Variants in CTC1 observed in about 807,000 individuals in gnomAD.
CTC1 encodes CST telomere replication complex component 1.
In CTC1, 91 loss-of-function variants were observed where a neutral mutation model predicts 136.3. The ratio of observed to expected loss-of-function variants is 0.67; its 90% CI spans 0.56 to 0.79. The LOEUF (loss-of-function observed/expected upper bound fraction) is 0.79, where lower values mean the gene tolerates loss of function less well. Ranked by LOEUF, CTC1 falls within the 30% of genes least tolerant of loss-of-function variation. The pLI is 0.00. For synonymous variants in CTC1, 606 were observed against 613.8 expected (o/e 0.99, Z 0.19); for missense variants, 1,432 against 1,498.1 (o/e 0.96, Z 0.73).
chr17:8,234,959 C>T, intron 8 of CTC1, 33 bp from the exon 9 acceptor site: 2 of 1,593,934 alleles, frequency 1.3e-6, no homozygotes, highest in South Asian at 2.3e-5. Context: ...GTCACTTCCC[C>T]TGAAGAGCCT....
Position 8,231,784 on chromosome 17 carries a change from C to A in CTC1, c.2417G>T (p.Arg806Leu), listed in dbSNP as rs750387015. The A allele has an allele frequency of 1.9e-6, 3 of 1,614,156 alleles. No homozygotes were observed. Among genetic ancestry groups the A allele is most frequent in the Admixed American group, 1.7e-5 (1 of 60,020 alleles). ...TCCCGGGTGCAAGAACTCAAACCAGCGGACTGAAGAGCCAAAGAAAATGAG... is the reference window on the plus strand; with the variant it reads ...TCCCGGGTGCAAGAACTCAAACCAGAGGACTGAAGAGCCAAAGAAAATGAG... ...VHLIFFGSSV[R>L]WFEFLHPGQV... The change falls in exon 14 of 23, where the codon CGC becomes CTC. Residue 806 changes from arginine (R) to leucine (L), a missense_variant. Coordinates refer to ENST00000651323, the MANE Select transcript of CTC1 (RefSeq NM_025099.6).
Position 8,231,355 on chromosome 17 carries a change from T to C in CTC1, c.2590A>G (p.Ser864Gly), listed in dbSNP as rs1987206626. The change falls in exon 15 of 23, where the codon AGC (serine) becomes GGC (glycine). Residue 864 changes from serine (S) to glycine (G), a missense_variant. By Grantham distance (56) the Ser-to-Gly change is moderately conservative (BLOSUM62 0). Transcript: ENST00000651323. ...AGCACATCTTGGATATCCTGGGAGCTTTCAAGCTCCAGAGTCCAGTTGTCC... is the reference window on the plus strand; with the variant it reads ...AGCACATCTTGGATATCCTGGGAGCCTTCAAGCTCCAGAGTCCAGTTGTCC... ...VQDNWTLELE[S>G]SQDIQDVLDA... 1 of 1,611,686 alleles carries C rather than the reference T, an allele frequency of 6.2e-7. No homozygotes were observed. Among genetic ancestry groups the C allele is most frequent in the Non-Finnish European group, 8.5e-7 (1 of 1,178,172 alleles).
At position 8,229,942 on chromosome 17, in the gene CTC1, C is replaced by T. The variant is rs769617113; in HGVS notation, c.2960G>A (p.Arg987Gln). ...CAGGACCTGCACATAAGTGGATGAC[C>T]GGAAACAACAATAAACATTGTGAGA... ...SRSHNVYCCF[R>Q]SSTYVQVLSF... The change falls in exon 18 of 23, where the codon CGG becomes CAG. Residue 987 changes from arginine to glutamine, a missense_variant. Transcript: ENST00000651323. The T allele has an allele frequency of 1.7e-5, 28 of 1,613,932 alleles. No individual in the cohort carries two copies. The South Asian group carries it at 2.2e-4, about 13-fold the overall frequency.
intron 2 of CTC1, among the ~76,000 whole-genome samples, chr17:8,239,304 A>G: frequency 6.6e-6 from 1 of 152,076 alleles, no homozygotes; most frequent in East Asian, 1.9e-4. Flanking sequence ...TCTTAACTCC[A>G]GAGAGAACTT....
At chr17:8,241,878 G>T (rs796125960) in intron 2 of CTC1, among the ~76,000 whole-genome samples, 2 of 146,432 alleles carry the variant, frequency 1.4e-5, no homozygotes, top group African/African-American at 5.0e-5. Context: ...AGCAAATCAC[G>T]GAGGGTATTT....
Position 8,230,425 on chromosome 17 carries a change from A to G in CTC1, c.2802T>C (p.Ala934=). ...AMRRCVKLTV[A]LETAECEFPP... ...GGAATTCACATTCAGCAGTCTCAAG[A>G]GCGACTGTTAGCTTCACACACCTTC... Residue 934 remains alanine (A), a synonymous_variant, in exon 17 of 23, where the codon GCT becomes GCC. Coordinates refer to ENST00000651323, the MANE Select transcript of CTC1 (RefSeq NM_025099.6). 3.1e-6 allele frequency: 5 copies of G among 1,614,152 alleles called. No individual in the cohort carries two copies. Among genetic ancestry groups the G allele is most frequent in the Non-Finnish European group, 4.2e-6 (5 of 1,180,002 alleles).
At chr17:8,243,941 G>A (rs1988481749) in intron 1 of CTC1, among the ~76,000 whole-genome samples, 1 of 152,092 alleles carries the variant, frequency 6.6e-6, no homozygotes, top group Non-Finnish European at 1.5e-5. Context: ...GGTGGCACAT[G>A]CCTGTGCTTC....
chr17:8,247,864 C>T (rs771792359), intron 1 of CTC1, 140 bp downstream of exon 1: 4 of 777,520 alleles, frequency 5.1e-6, no homozygotes, highest in Non-Finnish European at 8.8e-6. Context: ...GAGGTAGGAG[C>T]GGACCGACTC....
In CTC1 at chr17:8,247,993, G is replaced by T; in HGVS notation, c.33+11C>A. The T allele has an allele frequency of 6.4e-7, 1 of 1,562,670 alleles. No individual in the cohort carries two copies. The highest frequency in any genetic ancestry group is 8.7e-7 in the Non-Finnish European group (1 of 1,147,448). ...GAAAAAAGGAACAAGAGACGTAATA[G>T]CAGCACTCACGGAGGAAGGGACCTG... On this transcript the variant is annotated intron_variant, in intron 1 of 22. Coordinates refer to ENST00000651323, the MANE Select transcript of CTC1 (RefSeq NM_025099.6).
At position 8,228,487 on chromosome 17, in the gene CTC1, C is replaced by G. The variant is rs369845758; in HGVS notation, c.3514+16G>C. 2.5e-6 allele frequency: 4 copies of G among 1,614,112 alleles called. No homozygotes were observed. The East Asian group carries it at 8.9e-5, about 36-fold the overall frequency. The stretch of plus-strand genomic sequence containing the variant: ...TGATCCCCCTATCATCATGATCCCC[C>G]CGTCTCCAACCTTACCTAATGGGAC... On this transcript the variant is annotated intron_variant, in intron 22 of 22. Coordinates refer to ENST00000651323, the MANE Select transcript of CTC1 (RefSeq NM_025099.6).
Position 8,232,124 on chromosome 17 carries a change from G to T in CTC1, c.2164C>A (p.Pro722Thr), listed in dbSNP as rs770505786. Residue 722 changes from proline to threonine, a missense_variant, in exon 13 of 23, where the codon CCA (proline) becomes ACA (threonine). Physicochemically the swap from Pro to Thr is conservative, Grantham distance 38. Transcript: ENST00000651323. ...CTCTGTCCTAGGTGGGGTCCCTCTG[G>T]GCCGGTGGGATCTGTCTGAGGTGTT... is the stretch of plus-strand genomic sequence containing the variant. Reference protein sequence around the residue: ...PSTPQTDPTGPEGPHLGQSRL... With the variant: ...PSTPQTDPTGTEGPHLGQSRL... The T allele has an allele frequency of 1.3e-6, 2 of 1,531,300 alleles. No individual in the cohort carries two copies. The highest frequency in any genetic ancestry group is 1.7e-6 in the Non-Finnish European group (2 of 1,143,844). The allele number at this position is 1,531,300 out of a possible 1,614,324, so 94.9% of individuals were successfully genotyped here.
Position 8,248,042 on chromosome 17 carries a change from G to T in CTC1, c.-6C>A. 6.3e-7 allele frequency: 1 copy of T among 1,591,292 alleles called. No homozygotes were observed. Among genetic ancestry groups the T allele is most frequent in the Non-Finnish European group, 8.6e-7 (1 of 1,167,792 alleles). On this transcript the variant is annotated 5_prime_UTR_variant, in exon 1 of 23. Coordinates refer to ENST00000651323, the MANE Select transcript of CTC1 (RefSeq NM_025099.6). ...TGGGCCCGGCCAGCCGCCATGATGCGCCGGAGCTCCGCCCCCGGGAGGGGC... is the reference window on the plus strand; with the variant it reads ...TGGGCCCGGCCAGCCGCCATGATGCTCCGGAGCTCCGCCCCCGGGAGGGGC...
Position 8,237,511 on chromosome 17 carries a change from A to G in CTC1, c.656T>C (p.Leu219Pro), listed in dbSNP as rs750372074. 11 of 1,613,922 alleles carry G rather than the reference A, an allele frequency of 6.8e-6. No individual in the cohort carries two copies. Among genetic ancestry groups the G allele is most frequent in the Non-Finnish European group, 8.5e-6 (10 of 1,179,954 alleles). ...AGCCAGGTTTCGCTGCACACCTCTG[A>G]GCTTGTTTCTAAGAAGGAAGAAAAA... Reference protein sequence around the residue: ...ASCLLRLRNKLRGVQRNLAGS... With the variant: ...ASCLLRLRNKPRGVQRNLAGS... The change falls in exon 5 of 23, where the codon CTC becomes CCC. Residue 219 changes from leucine (L) to proline (P), a missense_variant. Leu to Pro is a moderately conservative substitution (Grantham distance 98, BLOSUM62 -3). Transcript: ENST00000651323.
At chr17:8,229,505 T>G in intron 18 of CTC1, 59 bp from the exon 19 acceptor site, 15 of 1,516,652 alleles carry the variant, frequency 9.9e-6, no homozygotes, top group Non-Finnish European at 1.4e-5. Flanking sequence ...GCAAAGGGGT[T>G]CTGAAAGCAG....
rs772948223 is a variant in CTC1, at chr17:8,247,305, CTTTTTTTTTTTT to C, written c.33+687_33+698del. Among the ~76,000 whole-genome samples, 11 of 91,264 alleles carry C rather than the reference CTTTTTTTTTTTT, an allele frequency of 1.2e-4. No homozygotes were observed. The South Asian group carries it at 3.9e-3, about 32-fold the overall frequency. The allele number at this position is 91,264 out of a possible 152,430, so 59.9% of individuals were successfully genotyped here. A position where few individuals can be genotyped will look rare whatever the true frequency, so the allele number is the denominator to read the frequency against. On this transcript the variant is annotated intron_variant, in intron 1 of 22. Transcript: ENST00000651323. ...TTCCGTCCTGAAACCCCTTCCGGCGCTTTTTTTTTTTTTTTTTTTTTTTTGACAGAGTCTCGC... is the reference window on the plus strand; with the variant it reads ...TTCCGTCCTGAAACCCCTTCCGGCGCTTTTTTTTTTTTGACAGAGTCTCGC...
In CTC1 at chr17:8,231,777, A is replaced by C. The variant is rs1378130899; in HGVS notation, c.2424T>G (p.Phe808Leu). The C allele has an allele frequency of 2.5e-6, 4 of 1,614,214 alleles. No individual in the cohort carries two copies. The highest frequency in any genetic ancestry group is 2.5e-6 in the Non-Finnish European group (3 of 1,180,030). ...ACACCTGTCCCGGGTGCAAGAACTCAAACCAGCGGACTGAAGAGCCAAAGA... is the reference window on the plus strand; with the variant it reads ...ACACCTGTCCCGGGTGCAAGAACTCCAACCAGCGGACTGAAGAGCCAAAGA... The part of the protein sequence containing the change: ...LIFFGSSVRW[F>L]EFLHPGQVYR... The change falls in exon 14 of 23, where the codon TTT (phenylalanine) becomes TTG (leucine). Residue 808 changes from phenylalanine to leucine, a missense_variant. Physicochemically the swap from Phe to Leu is conservative, Grantham distance 22 (BLOSUM62 0). Coordinates refer to ENST00000651323, the MANE Select transcript of CTC1 (RefSeq NM_025099.6).
Position 8,227,135 on chromosome 17 carries a change from C to T in CTC1, c.*1045G>A, listed in dbSNP as rs191080822. The T allele has an allele frequency of 3.9e-5, 6 of 152,162 alleles. No homozygotes were observed. Among genetic ancestry groups the T allele is most frequent in the African/African-American group, 7.2e-5 (3 of 41,436 alleles). The allele number at this position is 152,162 out of a possible 1,614,324, so 9.4% of individuals were successfully genotyped here. A position where few individuals can be genotyped will look rare whatever the true frequency, so the allele number is the denominator to read the frequency against. On this transcript the variant is annotated 3_prime_UTR_variant, in exon 23 of 23. Coordinates refer to ENST00000651323, the MANE Select transcript of CTC1 (RefSeq NM_025099.6). ...ACCATAAAAGCAGCATAAATCCCAACATATGGGTTTAACCACGCTCTAAAG... is the reference window on the plus strand; with the variant it reads ...ACCATAAAAGCAGCATAAATCCCAATATATGGGTTTAACCACGCTCTAAAG...
rs1368994282 is a variant in CTC1 at position 8,229,904 on chromosome 17, C to T, written c.2998G>A (p.Glu1000Lys). 2 of 1,613,880 alleles carry T rather than the reference C, an allele frequency of 1.2e-6. No individual in the cohort carries two copies. Among genetic ancestry groups the T allele is most frequent in the East Asian group, 2.2e-5 (1 of 44,890 alleles). Residue 1000 changes from glutamate to lysine, a missense_variant, in exon 18 of 23, where the codon GAG (glutamate) becomes AAG (lysine). By Grantham distance (56) the Glu-to-Lys change is moderately conservative. Coordinates refer to ENST00000651323, the MANE Select transcript of CTC1 (RefSeq NM_025099.6). ...CTGGGCACTGACCTGATGGTGGTCT[C>T]AGGGGGAAAACTCAGGACCTGCACA... ...TYVQVLSFPPETTISIPLPHI... is the reference protein window; with the variant it reads ...TYVQVLSFPPKTTISIPLPHI...
intron 2 of CTC1, among the ~76,000 whole-genome samples, chr17:8,239,832 A>G (rs1988062898): frequency 6.6e-6 from 1 of 152,172 alleles, no homozygotes; most frequent in South Asian, 2.1e-4. Context: ...AAAGAGAGAG[A>G]ATGCTGTTCT....
Sources: gnomAD v4.1 joint callset for allele counts (sites outside exome capture counted in the v4.1 genomes callset) on GRCh38, gnomAD v4.1.1 for gene constraint, MANE v1.5 for transcripts, NCBI Gene and HGNC (gene_info 2026-07-23, HGNC 2026-07-21) for gene names.